Variants in CNTN4 observed in about 807,000 individuals in gnomAD.
The protein encoded by CNTN4 is contactin-4.
A neutral mutation model predicts 122.5 loss-of-function variants in CNTN4; 77 were observed. The observed-to-expected ratio is 0.63, with a 90% CI of 0.52 to 0.76. The LOEUF (loss-of-function observed/expected upper bound fraction) is 0.76, where lower values mean the gene tolerates loss of function less well. Ranked by LOEUF, CNTN4 falls within the 30% of genes least tolerant of loss-of-function variation. The pLI, the probability that CNTN4 is intolerant of heterozygous loss-of-function variation, is 0.00. For missense variants in CNTN4, 1,256 were observed against 1,259.1 expected, an observed-to-expected ratio of 1.00 and a Z score of 0.04; for synonymous variants, 512 against 447.0, an observed-to-expected ratio of 1.15 and a Z score of -1.83.
chr3:3,034,596 C>T (rs778219130), intron 16 of CNTN4, 36 bp from the exon 17 acceptor site: 19 of 1,611,242 alleles, frequency 1.2e-5, no homozygotes, highest in South Asian at 8.8e-5. Context: ...TGTTTGAATA[C>T]ACTGCTCCAA....
At chr3:2,685,028 G>T (rs969409956) in intron 4 of CNTN4, among the ~76,000 whole-genome samples, 1 of 152,148 alleles carries the variant, frequency 6.6e-6, no homozygotes, top group African/African-American at 2.4e-5. Context: ...TTTACTTAGC[G>T]ATTAGCTTTT....
intron 2 of CNTN4, among the ~76,000 whole-genome samples, chr3:2,144,865 G>C (rs1281281212): frequency 6.6e-6 from 1 of 152,172 alleles, no homozygotes; most frequent in Non-Finnish European, 1.5e-5. Flanking sequence ...CAACATCGAA[G>C]CTGTCCTGTT....
At chr3:3,020,385 T>G (rs1242450181) in intron 14 of CNTN4, among the ~76,000 whole-genome samples, 1 of 152,150 alleles carries the variant, frequency 6.6e-6, no homozygotes, top group Non-Finnish European at 1.5e-5. Context: ...TGCACAACAA[T>G]GCACTAGCTT....
At chr3:2,433,738 A>T (rs2048160304) in intron 3 of CNTN4, among the ~76,000 whole-genome samples, 1 of 152,040 alleles carries the variant, frequency 6.6e-6, no homozygotes, top group Admixed American at 6.6e-5. Context: ...TTCTTCTAGT[A>T]GTTTTGTAGT....
At chr3:3,021,424 G>A (rs756681627) in intron 14 of CNTN4, among the ~76,000 whole-genome samples, 2 of 152,144 alleles carry the variant, frequency 1.3e-5, no homozygotes, top group African/African-American at 2.4e-5. Context: ...GTCCCCTTAT[G>A]TCATCTGAGG....
At chr3:2,573,741 C>T (rs182537773) in intron 4 of CNTN4, among the ~76,000 whole-genome samples, 2 of 152,228 alleles carry the variant, frequency 1.3e-5, no homozygotes, top group Non-Finnish European at 1.5e-5. Flanking sequence ...TATAGAGAAT[C>T]AGTGTATTGA....
chr3:2,256,031 G>A (rs1286418518), intron 2 of CNTN4, among the ~76,000 whole-genome samples: 1 of 152,040 alleles, frequency 6.6e-6, no homozygotes, highest in Non-Finnish European at 1.5e-5. Context: ...TAGCAAAATA[G>A]ATAGACTGCT....
At chr3:2,628,859 A>T (rs1046319411) in intron 4 of CNTN4, among the ~76,000 whole-genome samples, 69 of 152,154 alleles carry the variant, frequency 4.5e-4, no homozygotes, top group African/African-American at 1.6e-3. Flanking sequence ...ACTGGATATA[A>T]CCCAAAAGGG....
At chr3:2,168,329 C>T (rs1466097295) in intron 2 of CNTN4, among the ~76,000 whole-genome samples, 1 of 152,046 alleles carries the variant, frequency 6.6e-6, no homozygotes, top group African/African-American at 2.4e-5. Context: ...ATATGAGCTA[C>T]TTGGAAATTA....
At chr3:2,799,414 A>T (rs975068612) in intron 6 of CNTN4, among the ~76,000 whole-genome samples, 1 of 152,148 alleles carries the variant, frequency 6.6e-6, no homozygotes, top group Admixed American at 6.6e-5. Flanking sequence ...GCATAGGCCA[A>T]TGTCCTCAAG....
At chr3:2,499,848 C>G (rs1253670642) in intron 3 of CNTN4, among the ~76,000 whole-genome samples, 5 of 151,858 alleles carry the variant, frequency 3.3e-5, no homozygotes, top group Non-Finnish European at 5.9e-5. Context: ...TTACATTGAC[C>G]CTTCCAGTTC....
chr3:2,944,987 GA>G (rs148332523), intron 13 of CNTN4, among the ~76,000 whole-genome samples: 2,967 of 152,224 alleles, frequency 0.019, 88 homozygotes, highest in African/African-American at 0.068. Flanking sequence ...TAAATCCCTG[GA>G]TCAGCCAGTC....
chr3:2,445,415 A>G (rs1318306310), intron 3 of CNTN4, among the ~76,000 whole-genome samples: 1 of 152,176 alleles, frequency 6.6e-6, no homozygotes, highest in African/African-American at 2.4e-5. Context: ...AATCTCGAAG[A>G]TAGAGGTGGA....
At chr3:3,049,227 C>T (rs975556803) in intron 23 of CNTN4, among the ~76,000 whole-genome samples, 8 of 152,156 alleles carry the variant, frequency 5.3e-5, no homozygotes, top group South Asian at 4.1e-4. Context: ...AGACTACAGG[C>T]GCCCACCACC....
chr3:3,011,310 G>T (rs1296558792), intron 14 of CNTN4, among the ~76,000 whole-genome samples: 3 of 152,230 alleles, frequency 2.0e-5, no homozygotes, highest in South Asian at 4.1e-4. Context: ...GTAGAAATCA[G>T]CATAGCAAAC....
rs1430670841 is a variant in CNTN4, at chr3:2,854,107, C to G, written c.455-12645C>G. On this transcript the variant is annotated intron_variant, in intron 7 of 24. Transcript: ENST00000418658. ...GTTTTTAAAGGTCCAAATAAAAGAACAAAATACCTTTATTTTGAAAAGGAT... is the reference window on the plus strand; with the variant it reads ...GTTTTTAAAGGTCCAAATAAAAGAAGAAAATACCTTTATTTTGAAAAGGAT... Among the ~76,000 whole-genome samples the G allele has an allele frequency of 2.6e-5, 4 of 152,110 alleles. No homozygotes were observed. The East Asian group carries it at 7.7e-4, about 29-fold the overall frequency.
At position 2,706,781 on chromosome 3, in the gene CNTN4, G is replaced by A. The variant is rs184941532; in HGVS notation, c.56-29434G>A. 2.7e-3 allele frequency among the ~76,000 whole-genome samples: 409 copies of A among 152,190 alleles called. 1 individual carries two copies. Among genetic ancestry groups the A allele is most frequent in the South Asian group, 6.2e-3 (30 of 4,820 alleles). On this transcript the variant is annotated intron_variant, in intron 4 of 24. Coordinates refer to ENST00000418658, the MANE Select transcript of CNTN4 (RefSeq NM_175607.3). ...GCTAGGGTAAGAACTAAAAGATCAC[G>A]TAGATTCCAGAGCCAACCTACCAAA...
intron 2 of CNTN4, among the ~76,000 whole-genome samples, chr3:2,285,269 A>C (rs1466298693): frequency 6.6e-6 from 1 of 152,086 alleles, no homozygotes; most frequent in African/African-American, 2.4e-5. Context: ...TAATCGCAAA[A>C]AATTTGAATA....
chr3:2,144,465 A>C (rs1174296754), intron 2 of CNTN4, among the ~76,000 whole-genome samples: 1 of 152,218 alleles, frequency 6.6e-6, no homozygotes, highest in Non-Finnish European at 1.5e-5. Flanking sequence ...ACTAGAGTGA[A>C]GAATTGTTCT....
Sources: gnomAD v4.1 joint callset for allele counts (sites outside exome capture counted in the v4.1 genomes callset) on GRCh38, gnomAD v4.1.1 for gene constraint, MANE v1.5 for transcripts, NCBI Gene and HGNC (gene_info 2026-07-23, HGNC 2026-07-21) for gene names.